Variants in PPP4C observed in about 807,000 individuals in gnomAD.
The protein encoded by PPP4C is protein phosphatase 4 catalytic subunit.
In PPP4C, 10 loss-of-function variants were observed where a neutral mutation model predicts 40.5. That is an observed-to-expected ratio of 0.25 (90% CI 0.15 to 0.42). The LOEUF is 0.42. Among genes scored for constraint, PPP4C ranks in the 10% least tolerant of loss-of-function variants. The pLI is 1.00. For synonymous variants in PPP4C, 187 were observed against 163.6 expected, an observed-to-expected ratio of 1.14 and a Z score of -1.09; for missense variants, 191 against 416.4, an observed-to-expected ratio of 0.46 and a Z score of 4.71.
rs367778579 is a variant in PPP4C, at chr16:30,082,459, C to G, written c.151-25C>G. 3 of 1,610,488 alleles carry G rather than the reference C, an allele frequency of 1.9e-6. No individual in the cohort carries two copies. In the African/African-American group the frequency reaches 4.0e-5, roughly 22 times the overall value. On this transcript the variant is annotated intron_variant, in intron 3 of 8. Coordinates refer to ENST00000279387, the MANE Select transcript of PPP4C (RefSeq NM_002720.3). The stretch of plus-strand genomic sequence containing the variant: ...CTGGCAACTCCCACTGCTTGAGTTC[C>G]AACCCCACTCTTCCTGTTCCCCAGG...
rs750097277 is a variant in PPP4C at position 30,083,678 on chromosome 16, C to T, written c.501C>T (p.Leu167=). Reference sequence around the variant, plus strand: ...AGATCTTCTGCGTGCACGGGGGCCTCTCCCCCTCCATCCAGACCCTGGATC... The same window carrying T: ...AGATCTTCTGCGTGCACGGGGGCCTTTCCCCCTCCATCCAGACCCTGGATC... The part of the protein sequence containing the change: ...DGKIFCVHGG[L]SPSIQTLDQI... Residue 167 remains leucine (L), a synonymous_variant, in exon 7 of 9, where the codon CTC becomes CTT. Coordinates refer to ENST00000279387, the MANE Select transcript of PPP4C (RefSeq NM_002720.3). This position sits in a 1 kb window ranked among gnomAD's most constrained non-coding sequence, Gnocchi z 6.3. 3 of 1,614,088 alleles carry T rather than the reference C, an allele frequency of 1.9e-6. No homozygotes were observed. The highest frequency in any genetic ancestry group is 1.1e-5 in the South Asian group (1 of 91,092).
Position 30,076,337 on chromosome 16 carries a change from G to T in PPP4C, c.-41G>T, listed in dbSNP as rs776140895. ...CAGGAGACCCCTGTGCGGTGCGGAGGGGGCGGCGGCCCCGACTCTGACCCG... is the reference window on the plus strand; with the variant it reads ...CAGGAGACCCCTGTGCGGTGCGGAGTGGGCGGCGGCCCCGACTCTGACCCG... On this transcript the variant is annotated 5_prime_UTR_variant, in exon 2 of 9. Transcript: ENST00000279387. 3.8e-6 allele frequency: 6 copies of T among 1,599,324 alleles called. No individual in the cohort carries two copies. Among genetic ancestry groups the T allele is most frequent in the Middle Eastern group, 1.7e-4 (1 of 5,806 alleles).
chr16:30,077,202 C>T lies in PPP4C; in HGVS notation c.98+727C>T, dbSNP rs555377144. ...ATGGCTCTAGGTTTGAATCTGAACT[C>T]TGCCGCTTTCTAGCTGTGTTAGTAA... On this transcript the variant is annotated intron_variant, in intron 2 of 8. Coordinates refer to ENST00000279387, the MANE Select transcript of PPP4C (RefSeq NM_002720.3). Among the ~76,000 whole-genome samples, 29 of 152,250 alleles carry T rather than the reference C, an allele frequency of 1.9e-4. No homozygotes were observed. The South Asian group carries it at 5.6e-3, about 29-fold the overall frequency.
At chr16:30,076,579 T>C in intron 2 of PPP4C, 104 bp downstream of exon 2, 3 of 1,203,484 alleles carry the variant, frequency 2.5e-6, no homozygotes, top group Non-Finnish European at 3.6e-6. Context: ...TTCTGGAAGC[T>C]TTCCCAGAGA....
chr16:30,076,411 G>C lies in PPP4C; in HGVS notation c.34G>C (p.Glu12Gln). ...AEISDLDRQI[E>Q]QLRRCELIKE... The stretch of plus-strand genomic sequence containing the variant: ...GATCAGCGACCTGGACCGGCAGATC[G>C]AGCAGCTGCGTCGCTGCGAGCTCAT... Residue 12 changes from glutamate (E) to glutamine (Q), a missense_variant, in exon 2 of 9, where the codon GAG becomes CAG. Coordinates refer to ENST00000279387, the MANE Select transcript of PPP4C (RefSeq NM_002720.3). 6.2e-7 allele frequency: 1 copy of C among 1,613,264 alleles called. No individual in the cohort carries two copies. Among genetic ancestry groups the C allele is most frequent in the Non-Finnish European group, 8.5e-7 (1 of 1,179,820 alleles).
At chr16:30,081,898 C>CA (rs1407434057) in intron 3 of PPP4C, among the ~76,000 whole-genome samples, 1 of 151,464 alleles carries the variant, frequency 6.6e-6, no homozygotes, top group Non-Finnish European at 1.5e-5. Context: ...ACTAAAAATA[C>CA]AAAAAAATTA....
In PPP4C at chr16:30,079,710, A is replaced by G. The variant is rs76948543; in HGVS notation, c.99-1549A>G. On this transcript the variant is annotated intron_variant, in intron 2 of 8. Transcript: ENST00000279387. ...TCGTGCTGCCTCTGCCATACAGAGC[A>G]AGGGGCATAAGTGAATCCTCCTGTC... 2.1e-3 allele frequency among the ~76,000 whole-genome samples: 317 copies of G among 152,294 alleles called. 6 individuals carry two copies. The East Asian group carries it at 0.032, about 15-fold the overall frequency.
At position 30,076,058 on chromosome 16, in the gene PPP4C, A is replaced by T; in HGVS notation, c.-100A>T. On this transcript the variant is annotated 5_prime_UTR_variant, in exon 1 of 9. Coordinates refer to ENST00000279387, the MANE Select transcript of PPP4C (RefSeq NM_002720.3). Reference sequence around the variant, plus strand: ...CGAAAGCGGAGTGAAAGAGGGAGGCAGGGAGCCGGAGAGCCGGAACCGGAG... The same window carrying T: ...CGAAAGCGGAGTGAAAGAGGGAGGCTGGGAGCCGGAGAGCCGGAACCGGAG... 1 of 417,792 alleles carries T rather than the reference A, an allele frequency of 2.4e-6. No homozygotes were observed. The highest frequency in any genetic ancestry group is 4.3e-6 in the Non-Finnish European group (1 of 232,524). The allele number at this position is 417,792 out of a possible 1,614,324, so 25.9% of individuals were successfully genotyped here. A position where few individuals can be genotyped will look rare whatever the true frequency, so the allele number is the denominator to read the frequency against.
intron 4 of PPP4C, 73 bp from the exon 5 acceptor site, chr16:30,082,673 C>A: frequency 6.5e-7 from 1 of 1,534,530 alleles, no homozygotes; most frequent in Non-Finnish European, 9.0e-7. Context: ...GGAAGAAGGG[C>A]CTCCGCTGGA....
Position 30,083,589 on chromosome 16 carries a change from T to C in PPP4C, c.477+22T>C, listed in dbSNP as rs143100248. ...CAAGGTAAGCCAGCCCAGGGCTCCA[T>C]GGGACAGGGAGAGGAGGGGGGCTTC... On this transcript the variant is annotated intron_variant, in intron 6 of 8. Coordinates refer to ENST00000279387, the MANE Select transcript of PPP4C (RefSeq NM_002720.3). This position sits in a 1 kb window ranked among gnomAD's most constrained non-coding sequence, Gnocchi z 6.3. The C allele has an allele frequency of 1.6e-5, 26 of 1,613,952 alleles. No homozygotes were observed. Among genetic ancestry groups the C allele is most frequent in the South Asian group, 2.2e-5 (2 of 91,088 alleles).
Position 30,076,322 on chromosome 16 carries a change from C to G in PPP4C, c.-56C>G. ...CGTCTTGGCCTTTCCCAGGAGACCC[C>G]TGTGCGGTGCGGAGGGGGCGGCGGC... On this transcript the variant is annotated 5_prime_UTR_variant, in exon 2 of 9. Coordinates refer to ENST00000279387, the MANE Select transcript of PPP4C (RefSeq NM_002720.3). The G allele has an allele frequency of 1.3e-6, 2 of 1,572,000 alleles. No individual in the cohort carries two copies. The highest frequency in any genetic ancestry group is 1.7e-6 in the Non-Finnish European group (2 of 1,149,082).
chr16:30,076,473 C>G lies in PPP4C; in HGVS notation c.96C>G (p.Ala32=). 6.2e-7 allele frequency: 1 copy of G among 1,608,852 alleles called. No individual in the cohort carries two copies. Among genetic ancestry groups the G allele is most frequent in the South Asian group, 1.1e-5 (1 of 90,258 alleles). The part of the protein sequence containing the change: ...ESEVKALCAK[A]REILVEESNV... ...AAGTCAAGGCCCTGTGCGCTAAGGC[C>G]AGGTGAGCTCGTTGGCCCTGGGGAA... Residue 32 remains alanine (A), a splice_region_variant and synonymous_variant, in exon 2 of 9, where the codon GCC becomes GCG. Coordinates refer to ENST00000279387, the MANE Select transcript of PPP4C (RefSeq NM_002720.3).
chr16:30,081,088 G>C (rs977378482), intron 2 of PPP4C, 171 bp from the exon 3 acceptor site: 10 of 805,512 alleles, frequency 1.2e-5, no homozygotes, highest in East Asian at 2.5e-5. Context: ...CCACGGAAGG[G>C]TGTTGCATGC....
rs190722806 is a variant in PPP4C, at chr16:30,082,639, G to T, written c.201+105G>T. On this transcript the variant is annotated intron_variant, in intron 4 of 8. Coordinates refer to ENST00000279387, the MANE Select transcript of PPP4C (RefSeq NM_002720.3). ...TTGGGGCGTGGAGTGGGGGCAAGGG[G>T]CCCCAAGTTAGATGGGTGGTTGTGG... is the stretch of plus-strand genomic sequence containing the variant. 547 of 1,539,950 alleles carry T rather than the reference G, an allele frequency of 3.6e-4. 3 individuals are homozygous for T. In the East Asian group the frequency reaches 6.4e-3, roughly 18 times the overall value.
rs550140910 is a variant in PPP4C, at chr16:30,082,860, G to A, written c.303+13G>A. ...GCTGGCACTTAAGGTGGCAGTCCCC[G>A]GCTTCTGCACCCCCAACCTGGGCGA... On this transcript the variant is annotated intron_variant, in intron 5 of 8. Transcript: ENST00000279387. 28 of 1,611,700 alleles carry A rather than the reference G, an allele frequency of 1.7e-5. No individual in the cohort carries two copies. The highest frequency in any genetic ancestry group is 1.7e-4 in the Middle Eastern group (1 of 6,048).
In PPP4C at chr16:30,081,752, C is replaced by CA. The variant is rs940465181; in HGVS notation, c.150+451dup. The CA allele has an allele frequency of 2.6e-3, 375 of 141,628 alleles. 2 individuals are homozygous for CA. In the Middle Eastern group the frequency reaches 0.028, roughly 11 times the overall value. The allele number at this position is 141,628 out of a possible 1,614,324, so 8.8% of individuals were successfully genotyped here. Reference sequence around the variant, plus strand: ...AGGGAGACTCCGTCTCAAAAAAAAACAAAAAAAAACAAAAAAAACAGGCCG... The same window carrying CA: ...AGGGAGACTCCGTCTCAAAAAAAAACAAAAAAAAAACAAAAAAAACAGGCCG... On this transcript the variant is annotated intron_variant, in intron 3 of 8. Coordinates refer to ENST00000279387, the MANE Select transcript of PPP4C (RefSeq NM_002720.3).
Position 30,076,329 on chromosome 16 carries a change from G to C in PPP4C, c.-49G>C. On this transcript the variant is annotated 5_prime_UTR_variant, in exon 2 of 9. Transcript: ENST00000279387. ...GCCTTTCCCAGGAGACCCCTGTGCGGTGCGGAGGGGGCGGCGGCCCCGACT... is the reference window on the plus strand; with the variant it reads ...GCCTTTCCCAGGAGACCCCTGTGCGCTGCGGAGGGGGCGGCGGCCCCGACT... The C allele has an allele frequency of 6.3e-7, 1 of 1,582,550 alleles. No homozygotes were observed. The highest frequency in any genetic ancestry group is 8.6e-7 in the Non-Finnish European group (1 of 1,156,622).
At chr16:30,079,454 C>G (rs1448824239) in intron 2 of PPP4C, among the ~76,000 whole-genome samples, 1 of 152,144 alleles carries the variant, frequency 6.6e-6, no homozygotes, top group Non-Finnish European at 1.5e-5. Context: ...TCCCAAAGTG[C>G]TGGGATTACA....
intron 3 of PPP4C, 194 bp downstream of exon 3, chr16:30,081,504 G>T: frequency 4.0e-6 from 2 of 495,816 alleles, no homozygotes; most frequent in East Asian, 6.5e-5. Context: ...CAGCATTTTG[G>T]GAGGGCAAGG....
Sources: gnomAD v4.1 joint callset for allele counts (sites outside exome capture counted in the v4.1 genomes callset) on GRCh38, gnomAD v4.1.1 for gene constraint, Gnocchi (gnomAD v3.1) non-coding constraint, MANE v1.5 for transcripts, NCBI Gene and HGNC (gene_info 2026-07-23, HGNC 2026-07-21) for gene names.